Variants in NSUN3 observed in about 807,000 individuals in gnomAD.
NSUN3 encodes NOP2/Sun RNA methyltransferase 3, also known as tRNA (cytosine(34)-C(5))-methyltransferase, mitochondrial.
A neutral mutation model predicts 36.8 loss-of-function variants in NSUN3; 24 were observed. The observed-to-expected ratio is 0.65, with a 90% confidence interval of 0.47 to 0.92. The LOEUF is 0.92. Ranked by LOEUF, NSUN3 falls within the 40% of genes least tolerant of loss-of-function variation. The pLI, the probability that NSUN3 is intolerant of heterozygous loss-of-function variation, is 0.00. For missense variants in NSUN3, 381 were observed against 392.8 expected (o/e 0.97, Z 0.25); for synonymous variants, 146 against 145.2 (o/e 1.01, Z -0.04).
chr3:94,104,188 C>G (rs116180999), intron 5 of NSUN3, among the ~76,000 whole-genome samples: 2,099 of 152,156 alleles, frequency 0.014, 27 homozygotes, highest in Non-Finnish European at 0.024. Flanking sequence ...TTGTGTGAGG[C>G]GACCTGTGAA....
intron 5 of NSUN3, among the ~76,000 whole-genome samples, chr3:94,114,652 A>G (rs1490134582): frequency 2.0e-5 from 3 of 152,080 alleles, no homozygotes; most frequent in Non-Finnish European, 4.4e-5. Context: ...GTACATGTGC[A>G]GGTTTGTTAC....
intron 5 of NSUN3, among the ~76,000 whole-genome samples, chr3:94,117,688 G>A (rs915958334): frequency 6.6e-6 from 1 of 151,980 alleles, no homozygotes; most frequent in African/African-American, 2.4e-5. Flanking sequence ...GGAGTACTTG[G>A]GGTAAAATCA....
intron 5 of NSUN3, among the ~76,000 whole-genome samples, chr3:94,100,136 G>A (rs1463870655): frequency 1.3e-5 from 2 of 152,178 alleles, no homozygotes; most frequent in African/African-American, 4.8e-5. Context: ...GCAGAAGATG[G>A]CACTCAGAAG....
In NSUN3 at chr3:94,064,448, A is replaced by C. The variant is rs2107231519; in HGVS notation, c.24A>C (p.Lys8Asn). Residue 8 changes from lysine (K) to asparagine (N), a missense_variant, in exon 2 of 6, where the codon AAA (lysine) becomes AAC (asparagine). By Grantham distance (94) the Lys-to-Asn change is moderately conservative. Coordinates refer to ENST00000314622, the MANE Select transcript of NSUN3 (RefSeq NM_022072.5). MLTQLKAKSEGKLAKQIC... is the reference protein window; with the variant it reads MLTQLKANSEGKLAKQIC... ...TCTTATCGTCATAGCTGAAAGCAAA[A>C]TCAGAGGGGAAGCTTGCAAAACAGA... The C allele has an allele frequency of 6.2e-7, 1 of 1,612,982 alleles. No homozygotes were observed. Among genetic ancestry groups the C allele is most frequent in the East Asian group, 2.2e-5 (1 of 44,844 alleles).
rs1163566091 is a variant in NSUN3 at position 94,128,524 on chromosome 3, C to T, written c.*2034C>T. On this transcript the variant is annotated 3_prime_UTR_variant, in exon 6 of 6. Transcript: ENST00000314622. ...AATACTTGGTATGCTATTGAATTTA[C>T]TTTCCTATGATTACTGAAAAATGGA... is the stretch of plus-strand genomic sequence containing the variant. 2 of 148,668 alleles carry T rather than the reference C, an allele frequency of 1.3e-5. No individual in the cohort carries two copies. The highest frequency in any genetic ancestry group is 3.0e-5 in the Non-Finnish European group (2 of 67,364). The allele number at this position is 148,668 out of a possible 1,614,324, so 9.2% of individuals were successfully genotyped here.
At chr3:94,082,657 C>T (rs538965547) in intron 2 of NSUN3, among the ~76,000 whole-genome samples, 57 of 152,186 alleles carry the variant, frequency 3.7e-4, no homozygotes, top group Admixed American at 9.8e-4. Flanking sequence ...GTTAATGAGG[C>T]TCCCAAATAA....
chr3:94,121,155 C>T (rs1388187823), intron 5 of NSUN3, among the ~76,000 whole-genome samples: 1 of 152,082 alleles, frequency 6.6e-6, no homozygotes, highest in Non-Finnish European at 1.5e-5. Flanking sequence ...CCAAAATGAG[C>T]CCTGTGGGAC....
At chr3:94,110,766 ACG>A (rs769521231) in intron 5 of NSUN3, among the ~76,000 whole-genome samples, 1,543 of 150,294 alleles carry the variant, frequency 0.01, 7 homozygotes, top group Non-Finnish European at 0.017. Context: ...ACACACACAC[ACG>A]CATATATATA....
chr3:94,130,489 T>G lies in NSUN3; in HGVS notation c.*3999T>G, dbSNP rs561357040. On this transcript the variant is annotated 3_prime_UTR_variant, in exon 6 of 6. Coordinates refer to ENST00000314622, the MANE Select transcript of NSUN3 (RefSeq NM_022072.5). ...CAGGACATTTTTGGAAATTGTATGCTCTCTAGCAACTTTGCGTGAATTTTT... is the reference window on the plus strand; with the variant it reads ...CAGGACATTTTTGGAAATTGTATGCGCTCTAGCAACTTTGCGTGAATTTTT... Among the ~76,000 whole-genome samples, 2 of 152,242 alleles carry G rather than the reference T, an allele frequency of 1.3e-5. No homozygotes were observed. The highest frequency in any genetic ancestry group is 2.4e-5 in the African/African-American group (1 of 41,456).
intron 3 of NSUN3, among the ~76,000 whole-genome samples, chr3:94,092,941 A>G (rs1293005572): frequency 2.0e-5 from 3 of 149,900 alleles, no homozygotes; most frequent in East Asian, 1.9e-4. Context: ...AAAAAAAAAA[A>G]AAAAGAAAAG....
At chr3:94,094,380 C>T (rs2077328930) in intron 4 of NSUN3, 86 bp downstream of exon 4, 2 of 1,337,814 alleles carry the variant, frequency 1.5e-6, no homozygotes, top group Middle Eastern at 1.9e-4. Context: ...TCCATCTGTT[C>T]TCAGACATAG....
At chr3:94,114,792 T>C (rs2077432955) in intron 5 of NSUN3, among the ~76,000 whole-genome samples, 1 of 152,138 alleles carries the variant, frequency 6.6e-6, no homozygotes, top group Non-Finnish European at 1.5e-5. Flanking sequence ...GTTCCCAGTG[T>C]CTATTACTGC....
Position 94,084,142 on chromosome 3 carries a change from C to G in NSUN3, c.158C>G (p.Ala53Gly), listed in dbSNP as rs1419219290. ...ACATCTCCATCATGCTGGCAATATG[C>G]TGTCCTGCTTAACCGATTCAATTAT... Reference protein sequence around the residue: ...ILTSPSCWQYAVLLNRFNYPF... With the variant: ...ILTSPSCWQYGVLLNRFNYPF... Residue 53 changes from alanine to glycine, a missense_variant, in exon 3 of 6, where the codon GCT (alanine) becomes GGT (glycine). By Grantham distance (60) the Ala-to-Gly change is moderately conservative (BLOSUM62 0). Coordinates refer to ENST00000314622, the MANE Select transcript of NSUN3 (RefSeq NM_022072.5). 3 of 1,613,988 alleles carry G rather than the reference C, an allele frequency of 1.9e-6. No individual in the cohort carries two copies. The highest frequency in any genetic ancestry group is 2.2e-5 in the East Asian group (1 of 44,880).
intron 3 of NSUN3, among the ~76,000 whole-genome samples, chr3:94,093,088 G>A (rs2077322751): frequency 1.3e-5 from 2 of 151,990 alleles, no homozygotes; most frequent in South Asian, 4.1e-4. Flanking sequence ...AGTATACTGG[G>A]GAAATAGTGG....
intron 3 of NSUN3, 127 bp downstream of exon 3, chr3:94,084,577 T>G: frequency 1.5e-6 from 1 of 656,694 alleles, no homozygotes; most frequent in Non-Finnish European, 2.5e-6. Flanking sequence ...AAAACTGAGA[T>G]GCTATGGAGA....
At chr3:94,121,893 C>G (rs1324889909) in intron 5 of NSUN3, among the ~76,000 whole-genome samples, 1 of 152,054 alleles carries the variant, frequency 6.6e-6, no homozygotes, top group Non-Finnish European at 1.5e-5. Flanking sequence ...GCCTGTAGTC[C>G]CAGCACTTTG....
chr3:94,104,486 G>A (rs924868616), intron 5 of NSUN3, among the ~76,000 whole-genome samples: 15 of 152,186 alleles, frequency 9.9e-5, no homozygotes, highest in Admixed American at 8.5e-4. Context: ...TTGGACCTGA[G>A]TCCCAGTTGC....
intron 3 of NSUN3, among the ~76,000 whole-genome samples, chr3:94,086,667 A>C (rs887140148): frequency 3.3e-5 from 5 of 152,220 alleles, no homozygotes; most frequent in Non-Finnish European, 7.3e-5. Context: ...AATATGCCCA[A>C]TGTTTTAGAG....
At chr3:94,124,770 A>G (rs1364927576) in intron 5 of NSUN3, among the ~76,000 whole-genome samples, 2 of 152,212 alleles carry the variant, frequency 1.3e-5, no homozygotes, top group East Asian at 1.9e-4. Context: ...TTAATTTGTT[A>G]TATTCTATGT....
Sources: allele counts gnomAD v4.1 joint callset (sites outside exome capture counted in the v4.1 genomes callset), GRCh38; gene constraint gnomAD v4.1.1; transcripts MANE v1.5; gene names NCBI Gene and HGNC (gene_info 2026-07-23, HGNC 2026-07-21).